Variants in GIPC3 observed in about 807,000 individuals in gnomAD.
GIPC3 encodes the protein PDZ domain-containing protein GIPC3.
A neutral mutation model predicts 27.3 loss-of-function variants in GIPC3; 16 were observed. The observed-to-expected ratio is 0.59, with a 90% CI of 0.40 to 0.89. The LOEUF (loss-of-function observed/expected upper bound fraction) is 0.89, where lower values mean the gene tolerates loss of function less well. Among genes scored for constraint, GIPC3 ranks in the 40% least tolerant of loss-of-function variants. The probability of loss-of-function intolerance (pLI) is 0.00; values close to 1 mark genes in which losing one functional copy is unlikely to be tolerated. For missense variants in GIPC3, 440 were observed against 442.1 expected, an observed-to-expected ratio of 1.00 and a Z score of 0.04; for synonymous variants, 194 against 184.6, an observed-to-expected ratio of 1.05 and a Z score of -0.41.
chr19:3,587,079 C>A, intron 3 of GIPC3, 85 bp downstream of exon 3: 3 of 1,322,334 alleles, frequency 2.3e-6, no homozygotes, highest in Admixed American at 2.0e-5. Context: ...ATGGGACGGG[C>A]TGGAAGGTTC....
chr19:3,587,571 C>G (rs1014509133), intron 3 of GIPC3, among the ~76,000 whole-genome samples: 1 of 152,136 alleles, frequency 6.6e-6, no homozygotes, highest in Non-Finnish European at 1.5e-5. Context: ...CGTGAGCCAC[C>G]GCGCGCAGCC....
intron 3 of GIPC3, among the ~76,000 whole-genome samples, chr19:3,588,705 A>G (rs2032424240): frequency 6.6e-6 from 1 of 151,246 alleles, no homozygotes; most frequent in South Asian, 2.1e-4. Context: ...AGTACTTTGG[A>G]AGGCCAAGGC....
intron 3 of GIPC3, 138 bp from the exon 4 acceptor site, chr19:3,589,305 G>C: frequency 1.4e-6 from 1 of 711,124 alleles, no homozygotes; most frequent in Non-Finnish European, 2.6e-6. Flanking sequence ...TAGGTCTCTG[G>C]AGACTTGCCG....
chr19:3,587,016 G>C, intron 3 of GIPC3, 22 bp downstream of exon 3: 1 of 1,603,610 alleles, frequency 6.2e-7, no homozygotes. Flanking sequence ...GGGCTGGCGG[G>C]AGCTCTTCCC....
rs56019587 is a variant in GIPC3, at chr19:3,590,625, C to A, written c.*435C>A. 117,982 of 1,195,890 alleles carry A rather than the reference C, an allele frequency of 0.099. 8,275 individuals are homozygous for A. The highest frequency in any genetic ancestry group is 0.12 in the African/African-American group (7,184 of 60,322). The allele number at this position is 1,195,890 out of a possible 1,614,324, so 74.1% of individuals were successfully genotyped here. A position where few individuals can be genotyped will look rare whatever the true frequency, so the allele number is the denominator to read the frequency against. On this transcript the variant is annotated 3_prime_UTR_variant, in exon 6 of 6. Coordinates refer to ENST00000644452, the MANE Select transcript of GIPC3 (RefSeq NM_133261.3). Reference sequence around the variant, plus strand: ...AACTCAGATGGGCTCTGAGACCATGCCCAGCTCTAGAACTCAGATGGGCTC... The same window carrying A: ...AACTCAGATGGGCTCTGAGACCATGACCAGCTCTAGAACTCAGATGGGCTC...
chr19:3,585,921 C>T, intron 1 of GIPC3, 99 bp downstream of exon 1: 1 of 1,463,686 alleles, frequency 6.8e-7, no homozygotes, highest in Non-Finnish European at 9.1e-7. Flanking sequence ...CCCCGGATCC[C>T]AGACGTCGGG....
rs568996194 is a variant in GIPC3, at chr19:3,593,122, G to C, written c.*2932G>C. 2 of 1,232,372 alleles carry C rather than the reference G, an allele frequency of 1.6e-6. No homozygotes were observed. Among genetic ancestry groups the C allele is most frequent in the African/African-American group, 3.1e-5 (2 of 64,420 alleles). The allele number at this position is 1,232,372 out of a possible 1,614,324, so 76.3% of individuals were successfully genotyped here. A position where few individuals can be genotyped will look rare whatever the true frequency, so the allele number is the denominator to read the frequency against. The stretch of plus-strand genomic sequence containing the variant: ...AAGCCAGCCGTCTCTCCCAAGCCCC[G>C]GGTGGGACCCCAGAAGTCCACCCCA... On this transcript the variant is annotated 3_prime_UTR_variant, in exon 6 of 6. Transcript: ENST00000644452.
chr19:3,585,902 A>G (rs1396578692), intron 1 of GIPC3, 80 bp downstream of exon 1: 18 of 1,478,134 alleles, frequency 1.2e-5, no homozygotes, highest in African/African-American at 5.8e-5. Flanking sequence ...TGGACGGGAG[A>G]CCCCAGATCC....
chr19:3,589,575 T>C lies in GIPC3; in HGVS notation c.705+20T>C. ...GAAGCGGTGAGTGAAGGGGAGGGGC[T>C]CTCCCCAGGCTTCTGCACCTTCAGC... On this transcript the variant is annotated intron_variant, in intron 4 of 5. Transcript: ENST00000644452. 4.5e-6 allele frequency: 7 copies of C among 1,566,666 alleles called. No homozygotes were observed. The highest frequency in any genetic ancestry group is 2.2e-5 in the East Asian group (1 of 44,638).
rs1480799068 is a variant in GIPC3, at chr19:3,593,492, G to A, written c.*3302G>A. 7 of 415,466 alleles carry A rather than the reference G, an allele frequency of 1.7e-5. No individual in the cohort carries two copies. Among genetic ancestry groups the A allele is most frequent in the African/African-American group, 6.1e-5 (3 of 48,958 alleles). 25.7% of individuals were successfully genotyped at this position (415,466 alleles called of 1,614,324 possible). On this transcript the variant is annotated 3_prime_UTR_variant, in exon 6 of 6. Coordinates refer to ENST00000644452, the MANE Select transcript of GIPC3 (RefSeq NM_133261.3). Reference sequence around the variant, plus strand: ...AGGAGGGCAGGAGACGGGTTGCACCGCATGTACCCTGAGGGCTCATGGTGA... The same window carrying A: ...AGGAGGGCAGGAGACGGGTTGCACCACATGTACCCTGAGGGCTCATGGTGA...
Position 3,585,506 on chromosome 19 carries a change from C to A in GIPC3, c.-92C>A. ...CCCCTTACCCGGGCGTCTCGGCTGT[C>A]GCGCCCTGGGCCGGGGGAGGGGAGG... is the stretch of plus-strand genomic sequence containing the variant. On this transcript the variant is annotated 5_prime_UTR_variant, in exon 1 of 6. Transcript: ENST00000644452. The A allele has an allele frequency of 1.9e-6, 2 of 1,038,136 alleles. No homozygotes were observed. Among genetic ancestry groups the A allele is most frequent in the South Asian group, 9.0e-5 (2 of 22,100 alleles). The allele number at this position is 1,038,136 out of a possible 1,614,324, so 64.3% of individuals were successfully genotyped here.
rs1190416294 is a variant in GIPC3 at position 3,585,701 on chromosome 19, C to T, written c.104C>T (p.Pro35Leu). 6.9e-7 allele frequency: 1 copy of T among 1,444,576 alleles called. No homozygotes were observed. The highest frequency in any genetic ancestry group is 1.4e-5 in the South Asian group (1 of 72,906). The allele number at this position is 1,444,576 out of a possible 1,614,324, so 89.5% of individuals were successfully genotyped here. Residue 35 changes from proline (P) to leucine (L), a missense_variant, in exon 1 of 6, where the codon CCG becomes CTG. Coordinates refer to ENST00000644452, the MANE Select transcript of GIPC3 (RefSeq NM_133261.3). Reference sequence around the variant, plus strand: ...CCCCCGGCCGCGCCCCGCGCCCGCCCGCGCCTCGTCTTCCGCACGCAGCTG... The same window carrying T: ...CCCCCGGCCGCGCCCCGCGCCCGCCTGCGCCTCGTCTTCCGCACGCAGCTG... ...SEPPAAPRAR[P>L]RLVFRTQLAH...
Position 3,585,911 on chromosome 19 carries a change from C to T in GIPC3, c.225+89C>T, listed in dbSNP as rs1395903172. On this transcript the variant is annotated intron_variant, in intron 1 of 5. Transcript: ENST00000644452. ...GGACCCTGGACGGGAGACCCCAGAT[C>T]CCCGGATCCCAGACGTCGGGGTGGC... 7.5e-6 allele frequency: 11 copies of T among 1,471,886 alleles called. No homozygotes were observed. The South Asian group carries it at 1.1e-4, about 15-fold the overall frequency. 91.2% of individuals were successfully genotyped at this position (1,471,886 alleles called of 1,614,324 possible). A position where few individuals can be genotyped will look rare whatever the true frequency, so the allele number is the denominator to read the frequency against.
chr19:3,585,605 G>T lies in GIPC3; in HGVS notation c.8G>T (p.Gly3Val). The part of the protein sequence containing the change: ME[G>V]AAAREARGTE... ...GGCCGAACTTCTCCCGCCATGGAGG[G>T]AGCAGCGGCCCGGGAGGCCCGGGGG... Residue 3 changes from glycine to valine, a missense_variant, in exon 1 of 6, where the codon GGA (glycine) becomes GTA (valine). Gly to Val is a moderately radical substitution (Grantham distance 109, BLOSUM62 -3). Coordinates refer to ENST00000644452, the MANE Select transcript of GIPC3 (RefSeq NM_133261.3). The T allele has an allele frequency of 8.6e-7, 1 of 1,157,630 alleles. No individual in the cohort carries two copies. Among genetic ancestry groups the T allele is most frequent in the South Asian group, 4.2e-5 (1 of 23,758 alleles). The allele number at this position is 1,157,630 out of a possible 1,614,324, so 71.7% of individuals were successfully genotyped here.
chr19:3,585,482 C>G lies in GIPC3; in HGVS notation c.-116C>G, dbSNP rs1343517112. 1.0e-6 allele frequency: 1 copy of G among 966,768 alleles called. No homozygotes were observed. The highest frequency in any genetic ancestry group is 1.8e-5 in the African/African-American group (1 of 56,878). The allele number at this position is 966,768 out of a possible 1,614,324, so 59.9% of individuals were successfully genotyped here. A position where few individuals can be genotyped will look rare whatever the true frequency, so the allele number is the denominator to read the frequency against. On this transcript the variant is annotated 5_prime_UTR_variant, in exon 1 of 6. Transcript: ENST00000644452. ...CCCGGGAGGCTCGGGTTCCCAGATCCCCTTACCCGGGCGTCTCGGCTGTCG... is the reference window on the plus strand; with the variant it reads ...CCCGGGAGGCTCGGGTTCCCAGATCGCCTTACCCGGGCGTCTCGGCTGTCG...
rs2032371765 is a variant in GIPC3 at position 3,586,645 on chromosome 19, A to G, written c.376A>G (p.Ile126Val). The stretch of plus-strand genomic sequence containing the variant: ...GACAGAGGATGCTCTGGGGCTGACC[A>G]TCACGGACAACGGGGCTGGCTACGC... ...TKTEDALGLT[I>V]TDNGAGYAFI... The change falls in exon 2 of 6, where the codon ATC (isoleucine) becomes GTC (valine). Residue 126 changes from isoleucine to valine, a missense_variant. Coordinates refer to ENST00000644452, the MANE Select transcript of GIPC3 (RefSeq NM_133261.3). 7 of 1,611,278 alleles carry G rather than the reference A, an allele frequency of 4.3e-6. No individual in the cohort carries two copies. Among genetic ancestry groups the G allele is most frequent in the Non-Finnish European group, 5.1e-6 (6 of 1,179,282 alleles).
In GIPC3 at chr19:3,586,819, C is replaced by G; in HGVS notation, c.417C>G (p.Ile139Met). The change falls in exon 3 of 6, where the codon ATC becomes ATG. Residue 139 changes from isoleucine (I) to methionine (M), a missense_variant. Coordinates refer to ENST00000644452, the MANE Select transcript of GIPC3 (RefSeq NM_133261.3). ...GCGACGCTGGATCCCTGCAGAGAAT[C>G]AAGGAAGGCAGTATCATCAACCGGA... ...NGAGYAFIKR[I>M]KEGSIINRIE... The G allele has an allele frequency of 1.9e-6, 3 of 1,613,500 alleles. No homozygotes were observed. The highest frequency in any genetic ancestry group is 2.5e-6 in the Non-Finnish European group (3 of 1,179,958).
Position 3,590,304 on chromosome 19 carries a change from A to C in GIPC3, c.*114A>C. ...CAAGTTCCTCTCTAGAACCCAATCC[A>C]ATTTGGAGCCCCAGCCCAACTCCAG... On this transcript the variant is annotated 3_prime_UTR_variant, in exon 6 of 6. Transcript: ENST00000644452. 6.8e-7 allele frequency: 1 copy of C among 1,463,712 alleles called. No individual in the cohort carries two copies. The highest frequency in any genetic ancestry group is 1.4e-5 in the South Asian group (1 of 72,494). The allele number at this position is 1,463,712 out of a possible 1,614,324, so 90.7% of individuals were successfully genotyped here.
At chr19:3,586,187 AG>A (rs2032359586) in intron 1 of GIPC3, among the ~76,000 whole-genome samples, 1 of 152,076 alleles carries the variant, frequency 6.6e-6, no homozygotes. Flanking sequence ...GGGAAGTTTG[AG>A]GCCGCCGTGG....
Sources: allele counts gnomAD v4.1 joint callset (sites outside exome capture counted in the v4.1 genomes callset), GRCh38; gene constraint gnomAD v4.1.1; transcripts MANE v1.5; gene names NCBI Gene and HGNC (gene_info 2026-07-23, HGNC 2026-07-21).